The following COL13A1 variants were observed in gnomAD, a reference collection of about 807,000 sequenced individuals.
COL13A1 encodes the protein collagen type XIII alpha 1 chain.
Under a neutral mutation model 130.9 loss-of-function variants are expected in COL13A1, and 89 were observed. The observed-to-expected ratio is 0.68, with a 90% CI of 0.57 to 0.81. COL13A1 has a LOEUF of 0.81. COL13A1 is among the 30% of genes least tolerant of loss of function. The pLI is 0.00. For synonymous variants in COL13A1, 402 were observed against 341.6 expected, an observed-to-expected ratio of 1.18 and a Z score of -1.95; for missense variants, 879 against 934.6, an observed-to-expected ratio of 0.94 and a Z score of 0.78.
chr10:69,910,170 T>C (rs2063209024), intron 17 of COL13A1, among the ~76,000 whole-genome samples: 1 of 151,990 alleles, frequency 6.6e-6, no homozygotes, highest in South Asian at 2.1e-4. Context: ...TTTTATTCTC[T>C]CCTCCATGCT....
chr10:69,912,554 C>T (rs966989323), intron 17 of COL13A1, among the ~76,000 whole-genome samples: 1 of 148,816 alleles, frequency 6.7e-6, no homozygotes, highest in African/African-American at 2.5e-5. Context: ...CCGCCCCCCA[C>T]CCCCACCCCT....
chr10:69,922,580 A>C, intron 22 of COL13A1, 128 bp from the exon 23 acceptor site: 1 of 560,200 alleles, frequency 1.8e-6, no homozygotes, highest in Non-Finnish European at 3.0e-6. Context: ...GCTGGATCAG[A>C]TAAATCTGGG....
chr10:69,867,379 G>A, intron 2 of COL13A1, among the ~76,000 whole-genome samples: 1 of 152,208 alleles, frequency 6.6e-6, no homozygotes, highest in South Asian at 2.1e-4. Flanking sequence ...GCACAGTGAG[G>A]ACACGGGCAT....
At chr10:69,878,165 C>T in intron 6 of COL13A1, 100 bp downstream of exon 6, 1 of 686,382 alleles carries the variant, frequency 1.5e-6, no homozygotes, top group East Asian at 2.7e-5. Context: ...AAAGCCGCAG[C>T]AGAGGGTGCT....
chr10:69,874,925 A>T (rs1290327952), intron 4 of COL13A1, among the ~76,000 whole-genome samples: 1 of 152,226 alleles, frequency 6.6e-6, no homozygotes, highest in African/African-American at 2.4e-5. Context: ...ACATAGCCAT[A>T]GCAGTGGCTG....
intron 2 of COL13A1, chr10:69,824,140 G>T: frequency 2.1e-6 from 1 of 472,252 alleles, no homozygotes; most frequent in Non-Finnish European, 4.4e-6. Context: ...TGCCTCAGTT[G>T]CCTTGTCTGA....
chr10:69,804,833 A>G (rs1284347380), intron 1 of COL13A1, among the ~76,000 whole-genome samples: 1 of 143,720 alleles, frequency 7.0e-6, no homozygotes. Context: ...AAAAAAAAAA[A>G]AAAAAAAAAG....
At chr10:69,906,395 G>A (rs1042112492) in intron 17 of COL13A1, among the ~76,000 whole-genome samples, 12 of 152,132 alleles carry the variant, frequency 7.9e-5, no homozygotes, top group Non-Finnish European at 1.3e-4. Flanking sequence ...ATAGAAGGGT[G>A]GGAGGGGACA....
intron 1 of COL13A1, among the ~76,000 whole-genome samples, chr10:69,816,427 A>G (rs1225649774): frequency 6.6e-6 from 1 of 151,738 alleles, no homozygotes; most frequent in African/African-American, 2.4e-5. Context: ...ATGAAGGGCC[A>G]TATCAAGCCA....
intron 1 of COL13A1, among the ~76,000 whole-genome samples, chr10:69,817,503 C>G (rs570119889): frequency 1.3e-5 from 2 of 152,070 alleles, no homozygotes; most frequent in South Asian, 4.2e-4. Flanking sequence ...GAGGGAACCA[C>G]AGAATGATTG....
At chr10:69,868,964 G>A (rs1317209208) in intron 3 of COL13A1, among the ~76,000 whole-genome samples, 1 of 152,132 alleles carries the variant, frequency 6.6e-6, no homozygotes, top group Non-Finnish European at 1.5e-5. Context: ...GTCTCATTCT[G>A]AGGAAGCCAC....
chr10:69,857,766 G>GGA (rs1856834797), intron 2 of COL13A1, among the ~76,000 whole-genome samples: 2 of 152,194 alleles, frequency 1.3e-5, no homozygotes, highest in Non-Finnish European at 2.9e-5. Flanking sequence ...GCCTCCTGAA[G>GGA]TCCACCTTAA....
At chr10:69,872,784 C>T (rs888457709) in intron 4 of COL13A1, among the ~76,000 whole-genome samples, 2 of 152,188 alleles carry the variant, frequency 1.3e-5, no homozygotes, top group Non-Finnish European at 2.9e-5. Context: ...TCAGCTTGTT[C>T]AATACCTCAG....
At chr10:69,884,397 T>C (rs1395218322) in intron 7 of COL13A1, among the ~76,000 whole-genome samples, 1 of 152,156 alleles carries the variant, frequency 6.6e-6, no homozygotes, top group Non-Finnish European at 1.5e-5. Context: ...AGGAGTCTTG[T>C]TGGTGAGGGA....
intron 10 of COL13A1, among the ~76,000 whole-genome samples, chr10:69,889,936 G>T (rs1014205564): frequency 6.6e-6 from 1 of 152,148 alleles, no homozygotes; most frequent in South Asian, 2.1e-4. Context: ...TCAGCTGGGG[G>T]TGCCACATGC....
At chr10:69,829,737 C>T (rs578017672) in intron 2 of COL13A1, among the ~76,000 whole-genome samples, 1 of 152,360 alleles carries the variant, frequency 6.6e-6, no homozygotes, top group African/African-American at 2.4e-5. Flanking sequence ...GGTCAGGTAA[C>T]TGGCGTGGGT....
At position 69,925,016 on chromosome 10, in the gene COL13A1, C is replaced by G; in HGVS notation, c.1329+9C>G. The G allele has an allele frequency of 6.4e-7, 1 of 1,574,350 alleles. No individual in the cohort carries two copies. The highest frequency in any genetic ancestry group is 2.3e-5 in the East Asian group (1 of 43,028). The stretch of plus-strand genomic sequence containing the variant: ...GACCAGATGGCCCCAAGGTATGTGC[C>G]TCTCCCTCCTGGAGTCACAGCGTGA... On this transcript the variant is annotated intron_variant, in intron 25 of 40. Coordinates refer to ENST00000645393, the MANE Select transcript of COL13A1 (RefSeq NM_001368882.1).
In COL13A1 at chr10:69,910,896, G is replaced by A. The variant is rs536692191; in HGVS notation, c.921+5074G>A. Among the ~76,000 whole-genome samples, 174 of 152,342 alleles carry A rather than the reference G, an allele frequency of 1.1e-3. 1 individual carries two copies. The highest frequency in any genetic ancestry group is 1.5e-3 in the Non-Finnish European group (105 of 68,030). ...TTTGGGGGCGCATTTGATGCCTGTG[G>A]TGGCCTGGATGTTAAGCCTCATGGT... On this transcript the variant is annotated intron_variant, in intron 17 of 40. Transcript: ENST00000645393.
chr10:69,806,297 CCAATGGGGAAAG>C (rs939426503), intron 1 of COL13A1, among the ~76,000 whole-genome samples: 9 of 152,204 alleles, frequency 5.9e-5, no homozygotes, highest in Admixed American at 3.9e-4. Flanking sequence ...GACTCCCATG[CCAATGGGGAAAG>C]CAGGTGAGGG....
Sources: allele counts gnomAD v4.1 joint callset (sites outside exome capture counted in the v4.1 genomes callset), GRCh38; gene constraint gnomAD v4.1.1; transcripts MANE v1.5; gene names NCBI Gene and HGNC (gene_info 2026-07-23, HGNC 2026-07-21).